Variants in HS6ST3 observed in about 807,000 individuals in gnomAD.
HS6ST3 encodes heparan sulfate 6-O-sulfotransferase 3, also known as heparan-sulfate 6-O-sulfotransferase 3.
Under a neutral mutation model 36.7 loss-of-function variants are expected in HS6ST3, and 12 were observed. The ratio of observed to expected loss-of-function variants is 0.33; its 90% confidence interval spans 0.21 to 0.53. The LOEUF (loss-of-function observed/expected upper bound fraction) is 0.53, where lower values mean the gene tolerates loss of function less well. Ranked by LOEUF, HS6ST3 falls within the 20% of genes least tolerant of loss-of-function variation. The pLI, the probability that HS6ST3 is intolerant of heterozygous loss-of-function variation, is 0.95. For synonymous variants in HS6ST3, 240 were observed against 257.5 expected, an observed-to-expected ratio of 0.93 and a Z score of 0.65; for missense variants, 584 against 640.9, an observed-to-expected ratio of 0.91 and a Z score of 0.96.
intron 1 of HS6ST3, among the ~76,000 whole-genome samples, chr13:96,476,436 C>T (rs2055864648): frequency 6.6e-6 from 1 of 152,132 alleles, no homozygotes; most frequent in African/African-American, 2.4e-5. Flanking sequence ...GATCTTGGCT[C>T]ACTGCAACCT....
chr13:96,805,382 T>C (rs1878174198), intron 1 of HS6ST3, among the ~76,000 whole-genome samples: 1 of 152,148 alleles, frequency 6.6e-6, no homozygotes, highest in South Asian at 2.1e-4. Flanking sequence ...TCCTTCCCCT[T>C]CTACCATGAT....
intron 1 of HS6ST3, among the ~76,000 whole-genome samples, chr13:96,790,659 G>C (rs187416869): frequency 1.3e-5 from 2 of 151,852 alleles, no homozygotes; most frequent in African/African-American, 2.4e-5. Context: ...TCAAAATCTT[G>C]CCTGTCCAAA....
chr13:96,094,512 T>C (rs1294818087), intron 1 of HS6ST3, among the ~76,000 whole-genome samples: 1 of 152,158 alleles, frequency 6.6e-6, no homozygotes, highest in Admixed American at 6.5e-5. Context: ...ATTATGGACA[T>C]TTGGACATCA....
At chr13:96,406,322 C>T (rs2055478092) in intron 1 of HS6ST3, among the ~76,000 whole-genome samples, 1 of 152,082 alleles carries the variant, frequency 6.6e-6, no homozygotes, top group Non-Finnish European at 1.5e-5. Flanking sequence ...TCAGTGGTAC[C>T]GATTTCTTTG....
At chr13:96,811,962 G>A (rs1214594072) in intron 1 of HS6ST3, among the ~76,000 whole-genome samples, 3 of 152,140 alleles carry the variant, frequency 2.0e-5, no homozygotes, top group Non-Finnish European at 4.4e-5. Context: ...GGGTGGTAAC[G>A]TTAGAATCAG....
At chr13:96,286,393 G>A (rs957051193) in intron 1 of HS6ST3, among the ~76,000 whole-genome samples, 2 of 151,768 alleles carry the variant, frequency 1.3e-5, no homozygotes, top group African/African-American at 4.8e-5. Context: ...TGTGTGGAGG[G>A]AGGGGGTTTA....
chr13:96,331,197 C>A (rs1417432959), intron 1 of HS6ST3, among the ~76,000 whole-genome samples: 21 of 152,230 alleles, frequency 1.4e-4, no homozygotes, highest in Admixed American at 1.2e-3. Flanking sequence ...GTCATTCTCC[C>A]TCCAGCTTTG....
intron 1 of HS6ST3, among the ~76,000 whole-genome samples, chr13:96,182,615 T>G (rs1389157245): frequency 1.3e-5 from 2 of 152,238 alleles, no homozygotes; most frequent in Non-Finnish European, 2.9e-5. Context: ...TTACTTTGCC[T>G]TTTCTTCTTG....
intron 1 of HS6ST3, among the ~76,000 whole-genome samples, chr13:96,381,445 T>G (rs910811151): frequency 6.6e-6 from 1 of 151,862 alleles, no homozygotes; most frequent in African/African-American, 2.4e-5. Context: ...TATCACTCAT[T>G]CCAAGGCCAG....
chr13:96,256,712 G>A (rs976973789), intron 1 of HS6ST3, among the ~76,000 whole-genome samples: 11 of 152,298 alleles, frequency 7.2e-5, no homozygotes, highest in African/African-American at 2.4e-4. Context: ...TAAGGCAAAG[G>A]TGGTAAATTT....
intron 1 of HS6ST3, among the ~76,000 whole-genome samples, chr13:96,140,344 A>C (rs1346623796): frequency 1.3e-5 from 2 of 152,138 alleles, no homozygotes; most frequent in African/African-American, 4.8e-5. Context: ...GGCTTAAAAC[A>C]CTGTGTGACA....
chr13:96,585,451 T>C (rs1271006030), intron 1 of HS6ST3, among the ~76,000 whole-genome samples: 1 of 152,184 alleles, frequency 6.6e-6, no homozygotes, highest in Non-Finnish European at 1.5e-5. Context: ...AACATATCCA[T>C]TATCTTACAT....
At position 96,834,811 on chromosome 13, in the gene HS6ST3, T is replaced by C. The variant is rs181076164; in HGVS notation, c.*1613T>C. ...TTGTGAGTCAGTCAGCCCACAAGCA[T>C]TCACAGAGTGCTTACCTGCCCCGAG... On this transcript the variant is annotated 3_prime_UTR_variant, in exon 2 of 2. Transcript: ENST00000376705. The C allele has an allele frequency of 1.3e-5, 2 of 152,680 alleles. No individual in the cohort carries two copies. Among genetic ancestry groups the C allele is most frequent in the East Asian group, 3.9e-4 (2 of 5,174 alleles). The allele number at this position is 152,680 out of a possible 1,614,324, so 9.5% of individuals were successfully genotyped here. A position where few individuals can be genotyped will look rare whatever the true frequency, so the allele number is the denominator to read the frequency against.
intron 1 of HS6ST3, among the ~76,000 whole-genome samples, chr13:96,348,870 C>T (rs912777158): frequency 2.0e-5 from 3 of 152,314 alleles, no homozygotes; most frequent in African/African-American, 4.8e-5. Flanking sequence ...TGATAACTAA[C>T]CATGTCCTTA....
intron 1 of HS6ST3, among the ~76,000 whole-genome samples, chr13:96,801,037 C>T (rs987713285): frequency 3.3e-5 from 5 of 152,056 alleles, no homozygotes; most frequent in Non-Finnish European, 5.9e-5. Flanking sequence ...CCTAGAAATC[C>T]GTAGGTTCTC....
intron 1 of HS6ST3, among the ~76,000 whole-genome samples, chr13:96,348,172 T>G (rs1408852693): frequency 6.6e-6 from 1 of 152,232 alleles, no homozygotes; most frequent in Non-Finnish European, 1.5e-5. Flanking sequence ...GACTTTCTTT[T>G]CTGCATATTA....
At chr13:96,731,635 T>C (rs377569743) in intron 1 of HS6ST3, among the ~76,000 whole-genome samples, 1 of 151,986 alleles carries the variant, frequency 6.6e-6, no homozygotes, top group South Asian at 2.1e-4. Flanking sequence ...CTGGATCATA[T>C]GGTAGTTCAA....
chr13:96,301,376 C>G (rs1172210085), intron 1 of HS6ST3, among the ~76,000 whole-genome samples: 2 of 152,086 alleles, frequency 1.3e-5, no homozygotes, highest in Non-Finnish European at 1.5e-5. Context: ...TAGGAACATT[C>G]TTTGAGGCCT....
intron 1 of HS6ST3, among the ~76,000 whole-genome samples, chr13:96,806,312 T>C (rs183099037): frequency 1.3e-5 from 2 of 152,344 alleles, no homozygotes; most frequent in Admixed American, 6.5e-5. Flanking sequence ...AGAAATTTTA[T>C]TGGGCATGTG....
Sources: gnomAD v4.1 joint callset for allele counts (sites outside exome capture counted in the v4.1 genomes callset) on GRCh38, gnomAD v4.1.1 for gene constraint, MANE v1.5 for transcripts, NCBI Gene and HGNC (gene_info 2026-07-23, HGNC 2026-07-21) for gene names.